Variants in ITGB3BP observed in about 807,000 individuals in gnomAD.
The protein encoded by ITGB3BP is centromere protein R.
ITGB3BP carries 27 observed loss-of-function variants against 29.1 expected under a neutral mutation model. The ratio of observed to expected loss-of-function variants is 0.93; its 90% CI spans 0.68 to 1.28. The LOEUF (loss-of-function observed/expected upper bound fraction) is 1.28, where lower values mean the gene tolerates loss of function less well. Among genes scored for constraint, ITGB3BP ranks in the 50% most tolerant of loss-of-function variants. ITGB3BP has a pLI of 0.00. For missense variants in ITGB3BP, 192 were observed against 200.2 expected (o/e 0.96, Z 0.25); for synonymous variants, 61 against 61.4 (o/e 0.99, Z 0.03).
chr1:63,518,808 T>C (rs1646390530), intron 1 of ITGB3BP, among the ~76,000 whole-genome samples: 1 of 152,172 alleles, frequency 6.6e-6, no homozygotes, highest in African/African-American at 2.4e-5. Flanking sequence ...CTGCCTTCTT[T>C]TGAATTAACA....
chr1:63,469,333 T>A (rs192382866), intron 4 of ITGB3BP, among the ~76,000 whole-genome samples: 1,907 of 148,900 alleles, frequency 0.013, 33 homozygotes, highest in African/African-American at 0.046. Context: ...ATTATTATTT[T>A]TTTTTTTTTT....
chr1:63,478,400 T>G (rs977499024), intron 4 of ITGB3BP, among the ~76,000 whole-genome samples: 3 of 152,222 alleles, frequency 2.0e-5, no homozygotes, highest in Admixed American at 6.5e-5. Flanking sequence ...GGCTTCACTG[T>G]TTCTAGCTCC....
intron 4 of ITGB3BP, among the ~76,000 whole-genome samples, chr1:63,470,634 TA>T (rs780498117): frequency 6.6e-6 from 1 of 152,248 alleles, no homozygotes; most frequent in Non-Finnish European, 1.5e-5. Flanking sequence ...ATAAATACCA[TA>T]ATTTGTTTAT....
At chr1:63,489,542 A>G (rs537522969) in intron 3 of ITGB3BP, among the ~76,000 whole-genome samples, 87 of 151,940 alleles carry the variant, frequency 5.7e-4, no homozygotes, top group Non-Finnish European at 1.1e-3. Context: ...AAAGAATTTC[A>G]TATTAAAATT....
At chr1:63,473,628 A>G (rs1457589115) in intron 4 of ITGB3BP, among the ~76,000 whole-genome samples, 205 of 105,560 alleles carry the variant, frequency 1.9e-3, no homozygotes, top group African/African-American at 2.3e-3. Context: ...TGGGGGGGTC[A>G]GCCCCCCGCC....
At chr1:63,472,685 C>T (rs1481599360) in intron 4 of ITGB3BP, among the ~76,000 whole-genome samples, 3 of 151,438 alleles carry the variant, frequency 2.0e-5, no homozygotes, top group Admixed American at 6.5e-5. Context: ...CTGTGTTGGC[C>T]GGGCTGGTCT....
At chr1:63,464,731 T>C (rs181101584) in intron 4 of ITGB3BP, among the ~76,000 whole-genome samples, 1 of 152,222 alleles carries the variant, frequency 6.6e-6, no homozygotes. Context: ...AACATCACTG[T>C]AATCAAATGA....
chr1:63,453,376 C>T (rs1362529517), intron 7 of ITGB3BP, among the ~76,000 whole-genome samples: 1 of 152,118 alleles, frequency 6.6e-6, no homozygotes, highest in Non-Finnish European at 1.5e-5. Flanking sequence ...TGCTATTTTA[C>T]AGTTCATGAT....
At chr1:63,479,727 T>C (rs1645404848) in intron 3 of ITGB3BP, among the ~76,000 whole-genome samples, 2 of 152,152 alleles carry the variant, frequency 1.3e-5, no homozygotes, top group Non-Finnish European at 2.9e-5. Flanking sequence ...TTACTTCCCT[T>C]AACATAATAT....
In ITGB3BP at chr1:63,502,170, C is replaced by T. The variant is rs536592955; in HGVS notation, c.48+6358G>A. Reference sequence around the variant, plus strand: ...TTGTAATATATAATTCATCTTCATTCCTGAAAATCTACCTAGGAACAATGC... The same window carrying T: ...TTGTAATATATAATTCATCTTCATTTCTGAAAATCTACCTAGGAACAATGC... On this transcript the variant is annotated intron_variant, in intron 2 of 8. Transcript: ENST00000271002. Among the ~76,000 whole-genome samples the T allele has an allele frequency of 2.0e-5, 3 of 152,206 alleles. No homozygotes were observed. In the East Asian group the frequency reaches 5.8e-4, roughly 29 times the overall value.
rs142588392 is a variant in ITGB3BP at position 63,440,811 on chromosome 1, C to G, written c.*294G>C. On this transcript the variant is annotated 3_prime_UTR_variant, in exon 9 of 9. Transcript: ENST00000271002. ...GCTTTATTAAGTCTACCCACAAATGCTAAAAGTCCACAGAAGTGTATGTGG... is the reference window on the plus strand; with the variant it reads ...GCTTTATTAAGTCTACCCACAAATGGTAAAAGTCCACAGAAGTGTATGTGG... 570 of 152,678 alleles carry G rather than the reference C, an allele frequency of 3.7e-3. 1 individual carries two copies. Among genetic ancestry groups the G allele is most frequent in the Non-Finnish European group, 5.8e-3 (393 of 68,018 alleles). 9.5% of individuals were successfully genotyped at this position (152,678 alleles called of 1,614,324 possible).
intron 1 of ITGB3BP, among the ~76,000 whole-genome samples, chr1:63,511,555 A>T (rs1181855556): frequency 1.3e-5 from 2 of 152,170 alleles, no homozygotes; most frequent in Non-Finnish European, 2.9e-5. Flanking sequence ...CTGACAGATG[A>T]ACCGATAAAC....
At chr1:63,463,882 G>T (rs1347008661) in intron 4 of ITGB3BP, among the ~76,000 whole-genome samples, 5 of 152,148 alleles carry the variant, frequency 3.3e-5, no homozygotes, top group Non-Finnish European at 5.9e-5. Flanking sequence ...AATAGGAATT[G>T]ATTTCAGGAC....
chr1:63,477,521 C>G (rs1645361755), intron 4 of ITGB3BP, among the ~76,000 whole-genome samples: 2 of 152,098 alleles, frequency 1.3e-5, no homozygotes, highest in South Asian at 4.1e-4. Flanking sequence ...GGGTTCAATA[C>G]TAGCCTGGGT....
At chr1:63,515,131 C>G (rs1166283437) in intron 1 of ITGB3BP, among the ~76,000 whole-genome samples, 2 of 152,106 alleles carry the variant, frequency 1.3e-5, no homozygotes, top group Non-Finnish European at 2.9e-5. Flanking sequence ...ATATTTCCCT[C>G]CAGAAACTTT....
At chr1:63,496,350 C>A (rs1157023401) in intron 2 of ITGB3BP, among the ~76,000 whole-genome samples, 1 of 152,066 alleles carries the variant, frequency 6.6e-6, no homozygotes, top group Non-Finnish European at 1.5e-5. Flanking sequence ...GCCTCAGCCT[C>A]CCAAAGTGCT....
intron 2 of ITGB3BP, among the ~76,000 whole-genome samples, chr1:63,500,532 T>C (rs1238981684): frequency 2.0e-5 from 3 of 152,174 alleles, no homozygotes; most frequent in Non-Finnish European, 4.4e-5. Flanking sequence ...ATTCCATTAA[T>C]AGCATAAAAA....
chr1:63,494,454 C>T (rs72679062), intron 2 of ITGB3BP, among the ~76,000 whole-genome samples: 2,822 of 152,228 alleles, frequency 0.019, 37 homozygotes, highest in Middle Eastern at 0.041. Context: ...CAATTATCAA[C>T]CTTAATGGTT....
chr1:63,513,170 A>C (rs1454851582), intron 1 of ITGB3BP, among the ~76,000 whole-genome samples: 2 of 152,220 alleles, frequency 1.3e-5, no homozygotes, highest in Admixed American at 6.5e-5. Context: ...GTAAATAAGA[A>C]ATCTTATAAA....
Sources: gnomAD v4.1 joint callset for allele counts (sites outside exome capture counted in the v4.1 genomes callset) on GRCh38, gnomAD v4.1.1 for gene constraint, MANE v1.5 for transcripts, NCBI Gene and HGNC (gene_info 2026-07-23, HGNC 2026-07-21) for gene names.